ACAP2: variants seen among roughly 807,000 people sequenced by gnomAD.
ACAP2 encodes the protein ArfGAP with coiled-coil, ankyrin repeat and PH domains 2, also known as arf-GAP with coiled-coil, ANK repeat and PH domain-containing protein 2.
ACAP2 carries 39 observed loss-of-function variants against 115.8 expected under a neutral mutation model. That is an observed-to-expected ratio of 0.34 (90% CI 0.26 to 0.44). ACAP2 has a LOEUF of 0.44. Among genes scored for constraint, ACAP2 ranks in the 20% least tolerant of loss-of-function variants. The pLI, the probability that ACAP2 is intolerant of heterozygous loss-of-function variation, is 1.00. For missense variants in ACAP2, 662 were observed against 927.6 expected (o/e 0.71, Z 3.72); for synonymous variants, 289 against 315.8 (o/e 0.92, Z 0.90).
At chr3:195,425,778 A>AT (rs1275179157) in intron 1 of ACAP2, among the ~76,000 whole-genome samples, 2 of 152,112 alleles carry the variant, frequency 1.3e-5, no homozygotes, top group Non-Finnish European at 2.9e-5. Context: ...CAAAAATGCG[A>AT]TTTTTTTATT....
intron 4 of ACAP2, among the ~76,000 whole-genome samples, chr3:195,371,041 T>G (rs374734297): frequency 6.6e-6 from 1 of 152,322 alleles, no homozygotes; most frequent in South Asian, 2.1e-4. Flanking sequence ...ACTTTGGCTA[T>G]TCGAACACTT....
intron 1 of ACAP2, among the ~76,000 whole-genome samples, chr3:195,436,686 T>C (rs1009098570): frequency 1.3e-5 from 2 of 152,202 alleles, no homozygotes; most frequent in African/African-American, 2.4e-5. Context: ...AGACATATCC[T>C]CTTCTGAAAT....
chr3:195,281,056 T>G lies in ACAP2; in HGVS notation c.2237-1628A>C, dbSNP rs185181042. The stretch of plus-strand genomic sequence containing the variant: ...ATTAGAAAAAAGTTGAGGATAGGAG[T>G]AAAGATCTAGTAAAAAGGTCTAACA... On this transcript the variant is annotated intron_variant, in intron 22 of 22. Coordinates refer to ENST00000326793, the MANE Select transcript of ACAP2 (RefSeq NM_012287.6). Among the ~76,000 whole-genome samples the G allele has an allele frequency of 5.9e-4, 89 of 152,048 alleles. 1 individual carries two copies. Among genetic ancestry groups the G allele is most frequent in the Middle Eastern group, 6.8e-3 (2 of 294 alleles).
chr3:195,312,131 G>A (rs1728812630), intron 10 of ACAP2, among the ~76,000 whole-genome samples: 1 of 151,988 alleles, frequency 6.6e-6, no homozygotes, highest in South Asian at 2.1e-4. Context: ...GACTGCTCTT[G>A]TAATCAAGAA....
At chr3:195,409,971 A>T (rs1459858867) in intron 1 of ACAP2, among the ~76,000 whole-genome samples, 1 of 151,940 alleles carries the variant, frequency 6.6e-6, no homozygotes. Context: ...TAGCCAAAAC[A>T]ATCCTGAAAA....
intron 4 of ACAP2, among the ~76,000 whole-genome samples, chr3:195,371,866 C>T (rs984250394): frequency 6.6e-6 from 1 of 152,052 alleles, no homozygotes; most frequent in Admixed American, 6.6e-5. Context: ...TTTGCCATGC[C>T]CAGGCTGGTC....
chr3:195,310,805 C>T (rs1450848672), intron 10 of ACAP2, among the ~76,000 whole-genome samples: 4 of 152,058 alleles, frequency 2.6e-5, no homozygotes, highest in Non-Finnish European at 5.9e-5. Flanking sequence ...TTCTGAATGA[C>T]GTTTTCATAA....
intron 1 of ACAP2, among the ~76,000 whole-genome samples, chr3:195,436,733 A>T (rs1424432980): frequency 6.6e-6 from 1 of 152,194 alleles, no homozygotes; most frequent in African/African-American, 2.4e-5. Flanking sequence ...AATATGTAAA[A>T]CATATAACAA....
At chr3:195,318,778 C>G (rs1176671251) in intron 10 of ACAP2, among the ~76,000 whole-genome samples, 1 of 152,098 alleles carries the variant, frequency 6.6e-6, no homozygotes, top group Admixed American at 6.6e-5. Flanking sequence ...GCAGCCTGAC[C>G]ATGAGGTATA....
intron 16 of ACAP2, among the ~76,000 whole-genome samples, chr3:195,296,846 CAGAAACTT>C (rs1174507417): frequency 1.3e-5 from 2 of 152,134 alleles, no homozygotes; most frequent in Non-Finnish European, 2.9e-5. Flanking sequence ...TGTAGGTTAA[CAGAAACTT>C]GATCCTTAGA....
At chr3:195,324,502 C>A (rs186013644) in intron 9 of ACAP2, among the ~76,000 whole-genome samples, 2 of 152,104 alleles carry the variant, frequency 1.3e-5, no homozygotes, top group Non-Finnish European at 2.9e-5. Flanking sequence ...ACCTGTAATC[C>A]GAGCACATTG....
chr3:195,391,611 T>G (rs901156453), intron 2 of ACAP2, among the ~76,000 whole-genome samples: 1 of 152,156 alleles, frequency 6.6e-6, no homozygotes, highest in South Asian at 2.1e-4. Flanking sequence ...GGCACTTAGA[T>G]TAGACTTTAC....
chr3:195,364,845 A>G (rs1315511563), intron 4 of ACAP2, among the ~76,000 whole-genome samples: 1 of 152,208 alleles, frequency 6.6e-6, no homozygotes, highest in Non-Finnish European at 1.5e-5. Flanking sequence ...ACTGTAGCAT[A>G]TTTACAGTAG....
At chr3:195,349,782 T>C in intron 4 of ACAP2, 2 of 319,946 alleles carry the variant, frequency 6.3e-6, no homozygotes, top group South Asian at 2.9e-5. Context: ...AGCATGGCCC[T>C]CAGGCACTCA....
At chr3:195,337,470 CAG>C (rs1730580845) in intron 6 of ACAP2, among the ~76,000 whole-genome samples, 1 of 125,290 alleles carries the variant, frequency 8.0e-6, no homozygotes, top group African/African-American at 3.1e-5. Context: ...TTTTTTGACA[CAG>C]AGTTTTGCTC....
rs1712256179 is a variant in ACAP2 at position 195,401,148 on chromosome 3, AC to A, written c.54-9002del. ...GGAAGTGGTACTGAAGGCACAGAAT[AC>A]CCTGCAAATCACAGCAGGTAGGGAA... On this transcript the variant is annotated intron_variant, in intron 1 of 22. Transcript: ENST00000326793. Among the ~76,000 whole-genome samples the A allele has an allele frequency of 3.9e-5, 6 of 152,254 alleles. No homozygotes were observed. The South Asian group carries it at 1.2e-3, about 32-fold the overall frequency.
At chr3:195,281,442 C>T (rs72607899) in intron 22 of ACAP2, among the ~76,000 whole-genome samples, 3,354 of 152,224 alleles carry the variant, frequency 0.022, 125 homozygotes, top group East Asian at 0.11. Flanking sequence ...CTAATACTTT[C>T]TAGTCACTTT....
Position 195,333,093 on chromosome 3 carries a change from A to C in ACAP2, c.604T>G (p.Phe202Val), listed in dbSNP as rs748730443. The change falls in exon 8 of 23, where the codon TTC becomes GTC. Residue 202 changes from phenylalanine to valine, a missense_variant. Phe to Val is a conservative substitution (Grantham distance 50). Around this residue, in one of 3 missense-constraint regions of ACAP2, gnomAD observed 401 missense variants for 604.4 expected, o/e 0.66. Coordinates refer to ENST00000326793, the MANE Select transcript of ACAP2 (RefSeq NM_012287.6). ...MLSFMYAHLAFFHQGYDLFSE... is the reference protein window; with the variant it reads ...MLSFMYAHLAVFHQGYDLFSE... ...AACAGATCATATCCTTGATGAAAGA[A>C]GGCCAAATGGGCATACATAAATGAC... is the stretch of plus-strand genomic sequence containing the variant. 2.5e-6 allele frequency: 4 copies of C among 1,609,404 alleles called. No homozygotes were observed. Among genetic ancestry groups the C allele is most frequent in the Non-Finnish European group, 3.4e-6 (4 of 1,178,010 alleles).
intron 6 of ACAP2, among the ~76,000 whole-genome samples, chr3:195,341,316 T>C (rs1730851686): frequency 7.5e-6 from 1 of 132,830 alleles, no homozygotes; most frequent in South Asian, 2.6e-4. Context: ...TGTTTTATTG[T>C]GTGGGTTTTT....
Sources: gnomAD v4.1 joint callset for allele counts (sites outside exome capture counted in the v4.1 genomes callset) on GRCh38, gnomAD v4.1.1 for gene constraint, gnomAD v4.1.1 regional missense constraint, MANE v1.5 for transcripts, NCBI Gene and HGNC (gene_info 2026-07-23, HGNC 2026-07-21) for gene names.